Variants in HS3ST5 observed in about 807,000 individuals in gnomAD.
HS3ST5 encodes heparan sulfate glucosamine 3-O-sulfotransferase 5.
In HS3ST5, 10 loss-of-function variants were observed where a neutral mutation model predicts 25.4. That is an observed-to-expected ratio of 0.39 (90% CI 0.24 to 0.67). The LOEUF is 0.67. Ranked by LOEUF, HS3ST5 falls within the 30% of genes least tolerant of loss-of-function variation. The probability of loss-of-function intolerance (pLI) is 0.44; values close to 1 mark genes in which losing one functional copy is unlikely to be tolerated. For missense variants in HS3ST5, 324 were observed against 420.7 expected, an observed-to-expected ratio of 0.77 and a Z score of 2.01; for synonymous variants, 170 against 162.4, an observed-to-expected ratio of 1.05 and a Z score of -0.36.
chr6:114,055,891 G>A lies in HS3ST5; in HGVS notation c.*1366C>T, dbSNP rs184054891. On this transcript the variant is annotated 3_prime_UTR_variant, in exon 5 of 5. Transcript: ENST00000312719. ...ATAATACAGTGTATCTGATGTTAGC[G>A]AGGCACCAATTTAGCATTAATTTCT... The A allele has an allele frequency of 9.7e-4, 147 of 152,212 alleles. 1 individual carries two copies. Among genetic ancestry groups the A allele is most frequent in the African/African-American group, 3.4e-3 (143 of 41,538 alleles). 9.4% of individuals were successfully genotyped at this position (152,212 alleles called of 1,614,324 possible).
intron 1 of HS3ST5, among the ~76,000 whole-genome samples, chr6:114,302,695 T>A (rs1462372405): frequency 6.6e-6 from 1 of 152,206 alleles, no homozygotes; most frequent in Non-Finnish European, 1.5e-5. Flanking sequence ...GTCTTTCTAC[T>A]CTCCTTTCTC....
chr6:114,077,876 G>T (rs1196474490), intron 3 of HS3ST5, among the ~76,000 whole-genome samples: 1 of 152,064 alleles, frequency 6.6e-6, no homozygotes, highest in Non-Finnish European at 1.5e-5. Context: ...TTATCATCAA[G>T]CTTCATTTCA....
At position 114,057,123 on chromosome 6, in the gene HS3ST5, C is replaced by A. The variant is rs1236735664; in HGVS notation, c.*134G>T. ...AAAAAGAACTGATCTTATATTTGGT[C>A]ACACACTGCGTATGTACAAATATAC... is the stretch of plus-strand genomic sequence containing the variant. On this transcript the variant is annotated 3_prime_UTR_variant, in exon 5 of 5. Transcript: ENST00000312719. The A allele has an allele frequency of 4.6e-5, 28 of 603,010 alleles. No individual in the cohort carries two copies. In the South Asian group the frequency reaches 8.7e-4, roughly 19 times the overall value. The allele number at this position is 603,010 out of a possible 1,614,324, so 37.4% of individuals were successfully genotyped here. A position where few individuals can be genotyped will look rare whatever the true frequency, so the allele number is the denominator to read the frequency against.
At chr6:114,153,297 A>G (rs1180819766) in intron 3 of HS3ST5, among the ~76,000 whole-genome samples, 1 of 152,154 alleles carries the variant, frequency 6.6e-6, no homozygotes, top group Admixed American at 6.5e-5. Context: ...CTGCTCCAGG[A>G]TAGCTAATTG....
At chr6:114,084,485 G>A (rs995032224) in intron 3 of HS3ST5, 5 of 757,858 alleles carry the variant, frequency 6.6e-6, no homozygotes, top group East Asian at 4.9e-5. Context: ...GGGTATTCAC[G>A]GGAAATGGTG....
intron 1 of HS3ST5, among the ~76,000 whole-genome samples, chr6:114,254,324 A>T (rs1772801461): frequency 6.6e-6 from 1 of 152,272 alleles, no homozygotes; most frequent in African/African-American, 2.4e-5. Context: ...AATAGTAAAT[A>T]GCTGGGGCTA....
chr6:114,183,096 G>C (rs1320910653), intron 2 of HS3ST5, among the ~76,000 whole-genome samples: 2 of 152,142 alleles, frequency 1.3e-5, no homozygotes, highest in East Asian at 3.9e-4. Context: ...CTGGGTCTGT[G>C]GTTGCAAATG....
chr6:114,105,317 GT>G (rs1431599735), intron 3 of HS3ST5, among the ~76,000 whole-genome samples: 2 of 152,078 alleles, frequency 1.3e-5, no homozygotes, highest in African/African-American at 4.8e-5. Context: ...GCTACTTTAG[GT>G]AACCACACAG....
intron 2 of HS3ST5, among the ~76,000 whole-genome samples, chr6:114,225,104 C>T (rs1280234868): frequency 1.3e-5 from 2 of 151,714 alleles, no homozygotes; most frequent in Non-Finnish European, 3.0e-5. Context: ...CATTATCTAC[C>T]ATGGCATCCT....
chr6:114,335,876 T>A (rs1017821230), intron 1 of HS3ST5, among the ~76,000 whole-genome samples: 4 of 151,872 alleles, frequency 2.6e-5, no homozygotes, highest in African/African-American at 9.7e-5. Context: ...ATGGTCTTGA[T>A]CTCTTGACCT....
chr6:114,310,868 A>G (rs1316795136), intron 1 of HS3ST5, among the ~76,000 whole-genome samples: 1 of 152,176 alleles, frequency 6.6e-6, no homozygotes, highest in Non-Finnish European at 1.5e-5. Flanking sequence ...AACTCACTTA[A>G]GGCCTCAAAA....
intron 3 of HS3ST5, among the ~76,000 whole-genome samples, chr6:114,087,302 C>T (rs540912403): frequency 1.3e-5 from 2 of 152,292 alleles, no homozygotes; most frequent in South Asian, 4.2e-4. Flanking sequence ...CTGCATGATG[C>T]CCGTTCTTCC....
chr6:114,125,324 A>G (rs1415162246), intron 3 of HS3ST5, among the ~76,000 whole-genome samples: 1 of 152,216 alleles, frequency 6.6e-6, no homozygotes, highest in Non-Finnish European at 1.5e-5. Context: ...AAAATTCAAA[A>G]GGTACATAGT....
intron 3 of HS3ST5, among the ~76,000 whole-genome samples, chr6:114,130,434 G>A (rs1301457062): frequency 6.6e-6 from 1 of 152,136 alleles, no homozygotes; most frequent in Non-Finnish European, 1.5e-5. Context: ...CTATGCAATT[G>A]CTAGTTTATA....
intron 2 of HS3ST5, among the ~76,000 whole-genome samples, chr6:114,173,044 T>C (rs1430311993): frequency 6.6e-6 from 1 of 152,238 alleles, no homozygotes; most frequent in East Asian, 1.9e-4. Context: ...GTGTTTGCTT[T>C]GGAATGTTAA....
At chr6:114,180,125 T>A (rs1260894084) in intron 2 of HS3ST5, among the ~76,000 whole-genome samples, 2 of 151,966 alleles carry the variant, frequency 1.3e-5, no homozygotes, top group African/African-American at 4.8e-5. Context: ...CAAATATTAA[T>A]CTCCTCTGGC....
At chr6:114,248,971 C>G (rs1416965863) in intron 1 of HS3ST5, among the ~76,000 whole-genome samples, 2 of 152,160 alleles carry the variant, frequency 1.3e-5, no homozygotes, top group African/African-American at 4.8e-5. Flanking sequence ...CTATCTATCC[C>G]TATTTGATTT....
At chr6:114,171,862 GA>G (rs2115004849) in intron 2 of HS3ST5, among the ~76,000 whole-genome samples, 1 of 152,192 alleles carries the variant, frequency 6.6e-6, no homozygotes, top group African/African-American at 2.4e-5. Flanking sequence ...GTAAATTAAA[GA>G]AAAGGTAAAG....
chr6:114,264,399 A>C (rs1041510242), intron 1 of HS3ST5, among the ~76,000 whole-genome samples: 1 of 152,218 alleles, frequency 6.6e-6, no homozygotes. Flanking sequence ...GTACTTCTAA[A>C]TGCAGAGTTA....
Sources: gnomAD v4.1 joint callset for allele counts (sites outside exome capture counted in the v4.1 genomes callset) on GRCh38, gnomAD v4.1.1 for gene constraint, MANE v1.5 for transcripts, NCBI Gene and HGNC (gene_info 2026-07-23, HGNC 2026-07-21) for gene names.